GALNT14: variants seen among roughly 807,000 people sequenced by gnomAD.
GALNT14 encodes the protein polypeptide N-acetylgalactosaminyltransferase 14, also known as UDP-GalNAc:polypeptide N-acetylgalactosaminyltransferase 14.
A neutral mutation model predicts 77.5 loss-of-function variants in GALNT14; 60 were observed. That is an observed-to-expected ratio of 0.77 (90% confidence interval 0.63 to 0.96). GALNT14 has a LOEUF of 0.96. Among genes scored for constraint, GALNT14 ranks in the 40% least tolerant of loss-of-function variants. The pLI, the probability that GALNT14 is intolerant of heterozygous loss-of-function variation, is 0.00. For synonymous variants in GALNT14, 280 were observed against 281.7 expected (o/e 0.99, Z 0.06); for missense variants, 710 against 731.0 (o/e 0.97, Z 0.33).
intron 2 of GALNT14, among the ~76,000 whole-genome samples, chr2:30,967,765 C>T (rs1355998425): frequency 2.0e-5 from 3 of 152,172 alleles, no homozygotes; most frequent in African/African-American, 7.2e-5. Context: ...CCCTGCCAGT[C>T]ATGTCCTGTC....
intron 1 of GALNT14, among the ~76,000 whole-genome samples, chr2:31,076,645 C>A (rs143011863): frequency 2.0e-3 from 284 of 140,098 alleles, no homozygotes; most frequent in Non-Finnish European, 3.6e-3. Flanking sequence ...TTTTTTTTTA[C>A]ATGTACATAT....
chr2:31,062,527 T>C (rs1369172972), intron 1 of GALNT14, among the ~76,000 whole-genome samples: 1 of 152,250 alleles, frequency 6.6e-6, no homozygotes, highest in African/African-American at 2.4e-5. Flanking sequence ...AACATACATG[T>C]GCATGTGTCT....
intron 6 of GALNT14, among the ~76,000 whole-genome samples, chr2:30,948,611 A>G (rs1666843951): frequency 6.6e-6 from 1 of 152,222 alleles, no homozygotes. Context: ...AGGAAAAGTA[A>G]GTGGTATCTG....
intron 1 of GALNT14, among the ~76,000 whole-genome samples, chr2:31,063,287 GT>G (rs570727233): frequency 8.3e-4 from 127 of 152,286 alleles, no homozygotes; most frequent in African/African-American, 2.9e-3. Context: ...TGGCTAACCA[GT>G]TTTCCCAGCA....
chr2:31,083,285 G>T (rs954251657), intron 1 of GALNT14, among the ~76,000 whole-genome samples: 5 of 152,152 alleles, frequency 3.3e-5, no homozygotes, highest in African/African-American at 4.8e-5. Flanking sequence ...GGGATCAGAG[G>T]GGGGTGGAAG....
At chr2:30,982,002 A>AG (rs1669018303) in intron 2 of GALNT14, among the ~76,000 whole-genome samples, 3 of 152,148 alleles carry the variant, frequency 2.0e-5, no homozygotes, top group East Asian at 1.9e-4. Context: ...CAGGTTACTG[A>AG]GGGGGGAACT....
intron 1 of GALNT14, among the ~76,000 whole-genome samples, chr2:31,030,333 T>A (rs1672330164): frequency 6.6e-6 from 1 of 151,790 alleles, no homozygotes; most frequent in Admixed American, 6.6e-5. Context: ...GCACCAGGGC[T>A]GGATGGAAAA....
intron 1 of GALNT14, among the ~76,000 whole-genome samples, chr2:31,017,597 T>C (rs1671456017): frequency 6.6e-6 from 1 of 152,106 alleles, no homozygotes; most frequent in Admixed American, 6.5e-5. Flanking sequence ...GAGCAAAATC[T>C]GTCACCCTTC....
intron 13 of GALNT14, among the ~76,000 whole-genome samples, chr2:30,918,246 C>T (rs1664804535): frequency 1.3e-5 from 2 of 152,282 alleles, no homozygotes; most frequent in East Asian, 1.9e-4. Flanking sequence ...AGTACATCTT[C>T]GCTGGGTCAT....
At chr2:30,984,101 G>A (rs1258178320) in intron 2 of GALNT14, among the ~76,000 whole-genome samples, 3 of 152,184 alleles carry the variant, frequency 2.0e-5, no homozygotes, top group Admixed American at 2.0e-4. Flanking sequence ...GTCTGGGGAT[G>A]AAGGACAGAG....
chr2:31,059,318 T>A (rs1010594937), intron 1 of GALNT14, among the ~76,000 whole-genome samples: 1 of 152,168 alleles, frequency 6.6e-6, no homozygotes, highest in African/African-American at 2.4e-5. Flanking sequence ...CTAATAGAAA[T>A]AGTCAATGCT....
At chr2:30,924,678 A>G (rs1665250992) in intron 12 of GALNT14, 62 bp downstream of exon 12, 1 of 1,443,626 alleles carries the variant, frequency 6.9e-7, no homozygotes, top group African/African-American at 1.4e-5. Flanking sequence ...TCTTCTCCAG[A>G]CCAAGCCAGC....
chr2:31,118,854 G>A (rs1678245669), intron 1 of GALNT14, among the ~76,000 whole-genome samples: 1 of 152,252 alleles, frequency 6.6e-6, no homozygotes, highest in African/African-American at 2.4e-5. Flanking sequence ...CTGGTAAAAA[G>A]TATGACATTG....
chr2:30,899,533 C>A, the GALNT14 span, among the ~76,000 whole-genome samples: 2 of 152,134 alleles, frequency 1.3e-5, no homozygotes, highest in East Asian at 3.9e-4. Flanking sequence ...AGGTAACCAG[C>A]CCTGACACAG....
chr2:31,070,811 G>A (rs953091406), intron 1 of GALNT14, among the ~76,000 whole-genome samples: 14 of 152,166 alleles, frequency 9.2e-5, no homozygotes, highest in African/African-American at 2.4e-4. Flanking sequence ...GTAATTTGAC[G>A]TTTAAAGGAT....
At chr2:31,067,371 G>A (rs1001563082) in intron 1 of GALNT14, among the ~76,000 whole-genome samples, 2 of 152,172 alleles carry the variant, frequency 1.3e-5, no homozygotes, top group East Asian at 1.9e-4. Flanking sequence ...GAAGCCCTGA[G>A]AGTCTGGGAA....
intron 1 of GALNT14, among the ~76,000 whole-genome samples, chr2:31,039,284 A>T (rs1672951611): frequency 6.6e-6 from 1 of 152,110 alleles, no homozygotes. Flanking sequence ...TGGAATGTTT[A>T]ATTTTTACAA....
chr2:31,017,248 T>G (rs1465527643), intron 1 of GALNT14, among the ~76,000 whole-genome samples: 1 of 152,204 alleles, frequency 6.6e-6, no homozygotes, highest in Non-Finnish European at 1.5e-5. Flanking sequence ...AGCCAGGATG[T>G]TCTTCCTGTA....
At chr2:31,079,426 C>A (rs1298316012) in intron 1 of GALNT14, among the ~76,000 whole-genome samples, 1 of 152,174 alleles carries the variant, frequency 6.6e-6, no homozygotes, top group African/African-American at 2.4e-5. Context: ...AGAGCTGAGC[C>A]CTCGGACTGT....
Sources: allele counts gnomAD v4.1 joint callset (sites outside exome capture counted in the v4.1 genomes callset), GRCh38; gene constraint gnomAD v4.1.1; transcripts MANE v1.5; gene names NCBI Gene and HGNC (gene_info 2026-07-23, HGNC 2026-07-21).